CDKAL1: variants seen among roughly 807,000 people sequenced by gnomAD.
CDKAL1 encodes threonylcarbamoyladenosine tRNA methylthiotransferase.
Under a neutral mutation model 68.2 loss-of-function variants are expected in CDKAL1, and 32 were observed. The ratio of observed to expected loss-of-function variants is 0.47; its 90% confidence interval spans 0.35 to 0.63. The LOEUF is 0.63. Ranked by LOEUF, CDKAL1 falls within the 30% of genes least tolerant of loss-of-function variation. The pLI is 0.00. For missense variants in CDKAL1, 606 were observed against 696.7 expected, an observed-to-expected ratio of 0.87 and a Z score of 1.47; for synonymous variants, 234 against 244.3, an observed-to-expected ratio of 0.96 and a Z score of 0.39.
chr6:20,942,329 AAT>A (rs1764009260), intron 9 of CDKAL1, among the ~76,000 whole-genome samples: 1 of 150,946 alleles, frequency 6.6e-6, no homozygotes. Context: ...TAAACCCCAA[AAT>A]ATGTTATTAT....
Position 20,559,107 on chromosome 6 carries a change from T to C in CDKAL1, c.286+10402T>C, listed in dbSNP as rs544111498. On this transcript the variant is annotated intron_variant, in intron 4 of 15. Coordinates refer to ENST00000274695, the MANE Select transcript of CDKAL1 (RefSeq NM_017774.3). ...GTAATTTCCTTTTTTTTTGTTATTT[T>C]ATGAAGCACAAAACTAAATATTTTT... 2.6e-5 allele frequency: 4 copies of C among 152,514 alleles called. No homozygotes were observed. In the East Asian group the frequency reaches 7.7e-4, roughly 29 times the overall value. The allele number at this position is 152,514 out of a possible 1,614,324, so 9.4% of individuals were successfully genotyped here. A position where few individuals can be genotyped will look rare whatever the true frequency, so the allele number is the denominator to read the frequency against.
intron 7 of CDKAL1, among the ~76,000 whole-genome samples, chr6:20,771,646 G>A (rs1774946585): frequency 6.6e-6 from 1 of 152,146 alleles, no homozygotes; most frequent in African/African-American, 2.4e-5. Flanking sequence ...GTTGGAAGTG[G>A]GGCCTGGTGG....
intron 9 of CDKAL1, among the ~76,000 whole-genome samples, chr6:20,880,479 T>A (rs2150560635): frequency 6.6e-6 from 1 of 152,098 alleles, no homozygotes; most frequent in East Asian, 1.9e-4. Flanking sequence ...AGTGTCTTGA[T>A]CTTCTGACCT....
chr6:20,897,917 A>G (rs1761776381), intron 9 of CDKAL1, among the ~76,000 whole-genome samples: 1 of 152,208 alleles, frequency 6.6e-6, no homozygotes, highest in African/African-American at 2.4e-5. Flanking sequence ...TACAATAAAA[A>G]TCTATTTAAG....
chr6:20,668,204 T>C (rs1311268569), intron 5 of CDKAL1, among the ~76,000 whole-genome samples: 1 of 152,218 alleles, frequency 6.6e-6, no homozygotes, highest in Non-Finnish European at 1.5e-5. Flanking sequence ...TGTTCTCTTA[T>C]TTATGGATTT....
chr6:20,554,521 A>G (rs79526265), intron 4 of CDKAL1, among the ~76,000 whole-genome samples: 1 of 152,352 alleles, frequency 6.6e-6, no homozygotes, highest in East Asian at 1.9e-4. Context: ...TCTGGTGAAT[A>G]AAATATGTGC....
At chr6:20,551,821 T>C (rs749411650) in intron 4 of CDKAL1, among the ~76,000 whole-genome samples, 6 of 152,150 alleles carry the variant, frequency 3.9e-5, no homozygotes, top group Non-Finnish European at 7.4e-5. Flanking sequence ...TTTAGTATAA[T>C]TTAGCCTGGG....
chr6:20,776,684 A>C (rs1775185565), intron 7 of CDKAL1, among the ~76,000 whole-genome samples: 1 of 152,210 alleles, frequency 6.6e-6, no homozygotes, highest in Admixed American at 6.5e-5. Context: ...AAACCTTCTC[A>C]AAAGCAATGC....
At chr6:21,164,653 A>G (rs1270059921) in intron 13 of CDKAL1, among the ~76,000 whole-genome samples, 1 of 152,108 alleles carries the variant, frequency 6.6e-6, no homozygotes, top group African/African-American at 2.4e-5. Flanking sequence ...ATAAACACAG[A>G]CTCAAAAATT....
rs542219037 is a variant in CDKAL1, at chr6:20,866,889, G to A, written c.742+20711G>A. 3.9e-5 allele frequency among the ~76,000 whole-genome samples: 6 copies of A among 152,228 alleles called. No individual in the cohort carries two copies. The Middle Eastern group carries it at 0.01, about 259-fold the overall frequency. On this transcript the variant is annotated intron_variant, in intron 9 of 15. Transcript: ENST00000274695. The stretch of plus-strand genomic sequence containing the variant: ...AGTTACTATTGCCTAAACATGCTTG[G>A]ACATGTTTCTACAAACCCATCCTTG...
intron 11 of CDKAL1, among the ~76,000 whole-genome samples, chr6:21,025,839 G>C (rs1484948063): frequency 6.6e-6 from 1 of 151,956 alleles, no homozygotes; most frequent in Non-Finnish European, 1.5e-5. Context: ...TATCGACATG[G>C]TACAACCTTA....
intron 9 of CDKAL1, among the ~76,000 whole-genome samples, chr6:20,862,392 C>CTCTTAAG (rs1268506117): frequency 6.6e-6 from 1 of 152,204 alleles, no homozygotes; most frequent in Admixed American, 6.5e-5. Context: ...GTTACTTACT[C>CTCTTAAG]TTATCCAACC....
intron 13 of CDKAL1, among the ~76,000 whole-genome samples, chr6:21,132,873 A>G (rs1481984707): frequency 6.6e-6 from 1 of 152,158 alleles, no homozygotes; most frequent in Admixed American, 6.5e-5. Flanking sequence ...TATTTGTTTA[A>G]ATTTTTTTTT....
At chr6:20,868,102 A>G (rs897996599) in intron 9 of CDKAL1, among the ~76,000 whole-genome samples, 1 of 152,200 alleles carries the variant, frequency 6.6e-6, no homozygotes, top group Non-Finnish European at 1.5e-5. Context: ...AGAGACACAC[A>G]TAGGCATACA....
At chr6:21,230,304 G>A (rs1249011585) in intron 15 of CDKAL1, among the ~76,000 whole-genome samples, 7 of 152,192 alleles carry the variant, frequency 4.6e-5, no homozygotes, top group African/African-American at 1.4e-4. Context: ...TGGGACTACC[G>A]GCACCTGCCA....
chr6:20,819,417 A>G (rs142637106), intron 8 of CDKAL1, among the ~76,000 whole-genome samples: 42 of 152,254 alleles, frequency 2.8e-4, no homozygotes, highest in African/African-American at 8.9e-4. Context: ...TATGAATATG[A>G]TGATTTTCCA....
chr6:21,186,069 T>C (rs879716437), intron 13 of CDKAL1, among the ~76,000 whole-genome samples: 1 of 111,462 alleles, frequency 9.0e-6, no homozygotes, highest in Admixed American at 1.0e-4. Flanking sequence ...CCAAGAAGTA[T>C]GGGGGTGGGG....
intron 13 of CDKAL1, among the ~76,000 whole-genome samples, chr6:21,120,831 A>G (rs888655942): frequency 1.3e-5 from 2 of 152,172 alleles, no homozygotes; most frequent in East Asian, 1.9e-4. Context: ...GTTATTCACC[A>G]TATTTATTTA....
At chr6:20,736,773 A>G (rs1262206919) in intron 5 of CDKAL1, among the ~76,000 whole-genome samples, 6 of 150,048 alleles carry the variant, frequency 4.0e-5, no homozygotes, top group Non-Finnish European at 8.9e-5. Flanking sequence ...CTCTGCCTCA[A>G]AAAAAAAAAA....
Sources: gnomAD v4.1 joint callset for allele counts (sites outside exome capture counted in the v4.1 genomes callset) on GRCh38, gnomAD v4.1.1 for gene constraint, MANE v1.5 for transcripts, NCBI Gene and HGNC (gene_info 2026-07-23, HGNC 2026-07-21) for gene names.